MAGI3: variants seen among roughly 807,000 people sequenced by gnomAD.
The protein encoded by MAGI3 is membrane associated guanylate kinase, WW and PDZ domain containing 3, also known as membrane-associated guanylate kinase, WW and PDZ domain-containing protein 3.
MAGI3 carries 43 observed loss-of-function variants against 121.8 expected under a neutral mutation model. The observed-to-expected ratio is 0.35, with a 90% CI of 0.28 to 0.46. The LOEUF (loss-of-function observed/expected upper bound fraction) is 0.46, where lower values mean the gene tolerates loss of function less well. MAGI3 is among the 20% of genes least tolerant of loss of function. The probability of loss-of-function intolerance (pLI) is 1.00; values close to 1 mark genes in which losing one functional copy is unlikely to be tolerated. For missense variants in MAGI3, 1,547 were observed against 1,797.3 expected, an observed-to-expected ratio of 0.86 and a Z score of 2.52; for synonymous variants, 553 against 639.3, an observed-to-expected ratio of 0.86 and a Z score of 2.04.
At chr1:113,553,262 ACT>A (rs1659856154) in intron 2 of MAGI3, among the ~76,000 whole-genome samples, 1 of 152,040 alleles carries the variant, frequency 6.6e-6, no homozygotes, top group African/African-American at 2.4e-5. Flanking sequence ...AGTACAATGG[ACT>A]CTGAGTTGAA....
chr1:113,638,132 T>C (rs1483210462), intron 9 of MAGI3, among the ~76,000 whole-genome samples: 2 of 152,230 alleles, frequency 1.3e-5, no homozygotes, highest in Admixed American at 6.5e-5. Flanking sequence ...TACATTCGTC[T>C]AAATTTTTTT....
intron 6 of MAGI3, among the ~76,000 whole-genome samples, chr1:113,601,379 AAAAC>A (rs200924549): frequency 0.22 from 33,545 of 151,136 alleles, 4,519 homozygotes; most frequent in East Asian, 0.63. Flanking sequence ...TTACAAGAAA[AAAAC>A]AAACAACCCC....
intron 1 of MAGI3, among the ~76,000 whole-genome samples, chr1:113,397,623 G>A (rs1000685500): frequency 7.9e-5 from 12 of 152,116 alleles, no homozygotes; most frequent in East Asian, 7.7e-4. Context: ...CCACATTATA[G>A]AATAATTGGA....
chr1:113,451,806 T>A (rs1459484749), intron 1 of MAGI3, among the ~76,000 whole-genome samples: 1 of 152,198 alleles, frequency 6.6e-6, no homozygotes, highest in Non-Finnish European at 1.5e-5. Flanking sequence ...CTAGAAAAGG[T>A]AAACATGTAG....
intron 6 of MAGI3, among the ~76,000 whole-genome samples, chr1:113,604,042 A>C (rs1649579373): frequency 6.6e-6 from 1 of 152,214 alleles, no homozygotes; most frequent in South Asian, 2.1e-4. Flanking sequence ...TTGGAATGTA[A>C]ATTAGTACAG....
rs922319211 is a variant in MAGI3, at chr1:113,658,703, G to A, written c.2630-377G>A. ...CAGTTTTTAAAATAGCTAAAAACTT[G>A]TTGCAGCTTAAATGGCCAACAATAA... is the stretch of plus-strand genomic sequence containing the variant. On this transcript the variant is annotated intron_variant, in intron 15 of 20. Transcript: ENST00000307546. The surrounding 1 kb of genome is among the most constrained non-coding windows in gnomAD (Gnocchi z 4.0). Among the ~76,000 whole-genome samples the A allele has an allele frequency of 1.8e-4, 27 of 152,196 alleles. No homozygotes were observed. The highest frequency in any genetic ancestry group is 6.3e-4 in the African/African-American group (26 of 41,448).
chr1:113,433,262 G>A (rs773122356), intron 1 of MAGI3, among the ~76,000 whole-genome samples: 1 of 152,082 alleles, frequency 6.6e-6, no homozygotes, highest in Non-Finnish European at 1.5e-5. Flanking sequence ...AGGTACTACT[G>A]GGTCTGTGCA....
chr1:113,503,366 A>T (rs1029793397), intron 1 of MAGI3, among the ~76,000 whole-genome samples: 2 of 150,012 alleles, frequency 1.3e-5, no homozygotes, highest in African/African-American at 4.9e-5. Context: ...TCGAGAAAAC[A>T]GTGCTAAATT....
intron 5 of MAGI3, among the ~76,000 whole-genome samples, chr1:113,592,366 T>A (rs1305364102): frequency 6.6e-6 from 1 of 152,196 alleles, no homozygotes; most frequent in Non-Finnish European, 1.5e-5. Flanking sequence ...CCCCTATGGA[T>A]ATTTCTTTTC....
chr1:113,674,510 T>G (rs1268962752), intron 19 of MAGI3, among the ~76,000 whole-genome samples: 1 of 151,692 alleles, frequency 6.6e-6, no homozygotes, highest in African/African-American at 2.4e-5. Flanking sequence ...CCGTTCCCCC[T>G]ACTACTCAAA....
At chr1:113,613,738 C>T (rs1195560083) in intron 6 of MAGI3, among the ~76,000 whole-genome samples, 1 of 152,118 alleles carries the variant, frequency 6.6e-6, no homozygotes, top group Non-Finnish European at 1.5e-5. Flanking sequence ...ATGGATAGGA[C>T]TAGAACCACC....
chr1:113,567,013 T>A (rs6699022), intron 2 of MAGI3, among the ~76,000 whole-genome samples: 21,800 of 149,772 alleles, frequency 0.15, 1,668 homozygotes, highest in East Asian at 0.19. Context: ...TGTTTTTTTT[T>A]AAAAAGAAAA....
intron 2 of MAGI3, among the ~76,000 whole-genome samples, chr1:113,566,344 T>C (rs1405538399): frequency 3.3e-5 from 5 of 152,156 alleles, no homozygotes; most frequent in Non-Finnish European, 7.4e-5. Context: ...ATTTCCATCA[T>C]TGGTGAATGG....
At chr1:113,604,898 T>C (rs973288107) in intron 6 of MAGI3, among the ~76,000 whole-genome samples, 6 of 151,160 alleles carry the variant, frequency 4.0e-5, no homozygotes, top group Admixed American at 1.3e-4. Context: ...ATGGGTGCAC[T>C]AAAATCTCAG....
chr1:113,600,023 C>A (rs1458638968), intron 6 of MAGI3, among the ~76,000 whole-genome samples: 1 of 152,130 alleles, frequency 6.6e-6, no homozygotes, highest in African/African-American at 2.4e-5. Flanking sequence ...ATTCAACAGC[C>A]CTTCATGCTA....
rs186980779 is a variant in MAGI3 at position 113,396,121 on chromosome 1, A to G, written c.316+4772A>G. Among the ~76,000 whole-genome samples, 4 of 152,236 alleles carry G rather than the reference A, an allele frequency of 2.6e-5. No homozygotes were observed. The East Asian group carries it at 7.7e-4, about 29-fold the overall frequency. Reference sequence around the variant, plus strand: ...TGTCTGACTTATGAAGTCAGTGCCTAATCTTCTCAAGTGATAGTTTCATAC... The same window carrying G: ...TGTCTGACTTATGAAGTCAGTGCCTGATCTTCTCAAGTGATAGTTTCATAC... On this transcript the variant is annotated intron_variant, in intron 1 of 20. Coordinates refer to ENST00000307546, the MANE Select transcript of MAGI3 (RefSeq NM_001142782.2).
At chr1:113,557,230 GC>G (rs1027659410) in intron 2 of MAGI3, among the ~76,000 whole-genome samples, 4 of 152,264 alleles carry the variant, frequency 2.6e-5, no homozygotes, top group African/African-American at 9.6e-5. Flanking sequence ...TTCTCACTGG[GC>G]AGGGACTCCC....
chr1:113,469,570 T>C (rs997582399), intron 1 of MAGI3, among the ~76,000 whole-genome samples: 3 of 152,164 alleles, frequency 2.0e-5, no homozygotes, highest in Non-Finnish European at 4.4e-5. Context: ...TAATATTTTT[T>C]TCAGCTCTGG....
chr1:113,404,883 GC>G (rs375417226), intron 1 of MAGI3, among the ~76,000 whole-genome samples: 127 of 152,178 alleles, frequency 8.3e-4, no homozygotes, highest in East Asian at 3.1e-3. Context: ...ATGAGATTCA[GC>G]CCTATTTTAT....
Sources: allele counts gnomAD v4.1 joint callset (sites outside exome capture counted in the v4.1 genomes callset), GRCh38; gene constraint gnomAD v4.1.1; non-coding constraint Gnocchi (gnomAD v3.1); transcripts MANE v1.5; gene names NCBI Gene and HGNC (gene_info 2026-07-23, HGNC 2026-07-21).